MMP26: variants seen among roughly 807,000 people sequenced by gnomAD.
MMP26 encodes matrix metalloproteinase-26.
MMP26 carries 33 observed loss-of-function variants against 31.0 expected under a neutral mutation model. The observed-to-expected ratio is 1.06, with a 90% CI of 0.81 to 1.42. The LOEUF is 1.42. Ranked by LOEUF, MMP26 falls within the 40% of genes most tolerant of loss-of-function variation. MMP26 has a pLI of 0.00. For missense variants in MMP26, 347 were observed against 316.1 expected, an observed-to-expected ratio of 1.10 and a Z score of -0.74; for synonymous variants, 122 against 114.9, an observed-to-expected ratio of 1.06 and a Z score of -0.40.
intron 2 of MMP26, among the ~76,000 whole-genome samples, chr11:4,927,822 G>A (rs185715871): frequency 3.0e-4 from 45 of 152,178 alleles, no homozygotes; most frequent in Non-Finnish European, 1.6e-4. Flanking sequence ...CTTTTTCTGA[G>A]GACAGAGGTC....
intron 2 of MMP26, among the ~76,000 whole-genome samples, chr11:4,855,918 C>T (rs1261744088): frequency 6.6e-6 from 1 of 152,174 alleles, no homozygotes; most frequent in Non-Finnish European, 1.5e-5. Flanking sequence ...GGCCAATATT[C>T]AACATTCTTA....
chr11:4,963,125 C>G (rs1846543805), intron 2 of MMP26, among the ~76,000 whole-genome samples: 1 of 152,096 alleles, frequency 6.6e-6, no homozygotes, highest in South Asian at 2.1e-4. Flanking sequence ...GAGTGAACTC[C>G]CATTAACAAC....
chr11:4,956,828 C>T (rs1330481880), intron 2 of MMP26, among the ~76,000 whole-genome samples: 1 of 152,054 alleles, frequency 6.6e-6, no homozygotes, highest in Non-Finnish European at 1.5e-5. Context: ...ATTTGCAAGC[C>T]AAATATCTGA....
At chr11:4,830,616 T>C (rs34204246) in intron 2 of MMP26, among the ~76,000 whole-genome samples, 16 of 152,244 alleles carry the variant, frequency 1.1e-4, no homozygotes, top group Non-Finnish European at 1.9e-4. Flanking sequence ...ACAGATGTTG[T>C]GTTATTGCTT....
intron 1 of MMP26, among the ~76,000 whole-genome samples, chr11:4,749,390 A>G (rs1193427006): frequency 6.6e-6 from 1 of 152,014 alleles, no homozygotes; most frequent in Non-Finnish European, 1.5e-5. Context: ...TGTAATACCT[A>G]ACAAATTACA....
chr11:4,970,249 C>T (rs764649057), intron 2 of MMP26, among the ~76,000 whole-genome samples: 7 of 152,162 alleles, frequency 4.6e-5, no homozygotes, highest in Non-Finnish European at 1.0e-4. Context: ...GTTACTGACT[C>T]AATAAGGTCT....
intron 2 of MMP26, among the ~76,000 whole-genome samples, chr11:4,792,966 A>C (rs1849050731): frequency 6.6e-6 from 1 of 152,186 alleles, no homozygotes; most frequent in Non-Finnish European, 1.5e-5. Context: ...GTATCAGTAA[A>C]AACAAGCAAC....
intron 2 of MMP26, among the ~76,000 whole-genome samples, chr11:4,965,728 G>A (rs548046384): frequency 2.0e-5 from 3 of 152,240 alleles, no homozygotes; most frequent in Non-Finnish European, 4.4e-5. Flanking sequence ...TTACAACTCC[G>A]TAAGTTTTAT....
intron 2 of MMP26, among the ~76,000 whole-genome samples, chr11:4,854,491 G>A (rs908544767): frequency 1.3e-5 from 2 of 152,192 alleles, no homozygotes; most frequent in Non-Finnish European, 2.9e-5. Context: ...AGACCAGACT[G>A]CAAGGCAGCA....
intron 1 of MMP26, among the ~76,000 whole-genome samples, chr11:4,722,504 C>T (rs1589883444): frequency 4.1e-5 from 3 of 72,878 alleles, no homozygotes; most frequent in South Asian, 4.4e-4. Context: ...GCAGGGTTAG[C>T]TGAGGATTTA....
chr11:4,819,670 T>C (rs897758661), intron 2 of MMP26, among the ~76,000 whole-genome samples: 2 of 145,404 alleles, frequency 1.4e-5, no homozygotes, highest in Non-Finnish European at 3.0e-5. Context: ...TCTTGACTTC[T>C]GAGCTCAAGA....
At chr11:4,746,824 G>A (rs564629977) in intron 1 of MMP26, among the ~76,000 whole-genome samples, 297 of 133,150 alleles carry the variant, frequency 2.2e-3, no homozygotes, top group Non-Finnish European at 2.7e-3. Context: ...ACAAGAGTAA[G>A]TCTCTGTCAC....
chr11:4,748,420 G>T (rs577991706), intron 1 of MMP26, among the ~76,000 whole-genome samples: 1 of 151,870 alleles, frequency 6.6e-6, no homozygotes, highest in African/African-American at 2.4e-5. Context: ...TCAAGGAGGG[G>T]GGAATTACCC....
rs114727887 is a variant in MMP26, at chr11:4,713,195, C to T, written c.-217+8150C>T. On this transcript the variant is annotated intron_variant, in intron 1 of 7. Transcript: ENST00000380390. ...GTGCCTGACTTCCTCAGCTGCTTCA[C>T]GTGGAGCTGTAAAAATGCATTTTTC... Among the ~76,000 whole-genome samples the T allele has an allele frequency of 1.4e-3, 217 of 152,098 alleles. 1 individual carries two copies. Among genetic ancestry groups the T allele is most frequent in the African/African-American group, 4.5e-3 (185 of 41,496 alleles).
chr11:4,932,963 T>A (rs1473141815), intron 2 of MMP26, among the ~76,000 whole-genome samples: 1 of 152,152 alleles, frequency 6.6e-6, no homozygotes. Flanking sequence ...ACATTGGCAT[T>A]GAAGCATGTG....
intron 2 of MMP26, among the ~76,000 whole-genome samples, chr11:4,808,896 C>T (rs1199642625): frequency 6.7e-6 from 1 of 150,220 alleles, no homozygotes; most frequent in Admixed American, 6.7e-5. Flanking sequence ...AATCTAGTGC[C>T]GTCACTGTCA....
intron 2 of MMP26, among the ~76,000 whole-genome samples, chr11:4,970,037 T>C (rs1846644844): frequency 6.6e-6 from 1 of 152,204 alleles, no homozygotes; most frequent in African/African-American, 2.4e-5. Flanking sequence ...ATATTGCATC[T>C]ACATAACATG....
chr11:4,781,898 T>C (rs1411821481), intron 2 of MMP26, among the ~76,000 whole-genome samples: 1 of 152,206 alleles, frequency 6.6e-6, no homozygotes, highest in Non-Finnish European at 1.5e-5. Context: ...CATTCTCTAT[T>C]TGCCTGCTGC....
chr11:4,730,453 G>A (rs1417045686), intron 1 of MMP26, among the ~76,000 whole-genome samples: 1 of 141,872 alleles, frequency 7.0e-6, no homozygotes, highest in African/African-American at 2.8e-5. Context: ...GAGAGTGATA[G>A]GTGACTACTG....
Sources: gnomAD v4.1 joint callset for allele counts (sites outside exome capture counted in the v4.1 genomes callset) on GRCh38, gnomAD v4.1.1 for gene constraint, MANE v1.5 for transcripts, NCBI Gene and HGNC (gene_info 2026-07-23, HGNC 2026-07-21) for gene names.